FAF1: variants seen among roughly 807,000 people sequenced by gnomAD.
FAF1 encodes Fas associated factor 1.
Under a neutral mutation model 92.5 loss-of-function variants are expected in FAF1, and 25 were observed. The ratio of observed to expected loss-of-function variants is 0.27; its 90% confidence interval spans 0.20 to 0.38. The LOEUF (loss-of-function observed/expected upper bound fraction) is 0.38. FAF1 is among the 10% of genes least tolerant of loss of function. FAF1 has a pLI of 1.00. For synonymous variants in FAF1, 234 were observed against 273.2 expected (o/e 0.86, Z 1.42); for missense variants, 636 against 793.3 (o/e 0.80, Z 2.38).
chr1:50,888,579 G>A (rs1444432340), intron 1 of FAF1, among the ~76,000 whole-genome samples: 1 of 152,074 alleles, frequency 6.6e-6, no homozygotes, highest in Non-Finnish European at 1.5e-5. Context: ...AGACTTTTTA[G>A]CATGAAGGGC....
intron 14 of FAF1, among the ~76,000 whole-genome samples, chr1:50,536,926 A>G (rs1211297477): frequency 2.0e-5 from 3 of 152,200 alleles, no homozygotes; most frequent in Non-Finnish European, 2.9e-5. Flanking sequence ...TTGGTAGTTA[A>G]TATTAATAGA....
intron 15 of FAF1, among the ~76,000 whole-genome samples, chr1:50,492,219 T>G (rs1646847975): frequency 1.3e-5 from 2 of 152,224 alleles, no homozygotes; most frequent in Admixed American, 6.5e-5. Context: ...GAGATAAACT[T>G]GGAGACTGTC....
chr1:50,786,398 T>C (rs1661366099), intron 4 of FAF1, among the ~76,000 whole-genome samples: 1 of 152,158 alleles, frequency 6.6e-6, no homozygotes, highest in African/African-American at 2.4e-5. Flanking sequence ...GAGGTATTTA[T>C]AGTCAAACTT....
intron 3 of FAF1, among the ~76,000 whole-genome samples, chr1:50,793,682 C>A (rs1661643310): frequency 6.6e-6 from 1 of 152,212 alleles, no homozygotes; most frequent in African/African-American, 2.4e-5. Context: ...TGCTTTCACA[C>A]AGCAGGGTAG....
At chr1:50,786,601 T>TA (rs1661373285) in intron 4 of FAF1, among the ~76,000 whole-genome samples, 1 of 152,148 alleles carries the variant, frequency 6.6e-6, no homozygotes, top group South Asian at 2.1e-4. Context: ...TTTTTTTAAA[T>TA]AAAAAACAAT....
chr1:50,946,977 C>T (rs1018505187), intron 1 of FAF1, among the ~76,000 whole-genome samples: 9 of 152,140 alleles, frequency 5.9e-5, no homozygotes, highest in Admixed American at 4.6e-4. Context: ...CATTCAGTGC[C>T]TCTGCTGAGA....
chr1:50,821,336 T>C (rs1236079090), intron 2 of FAF1, among the ~76,000 whole-genome samples: 1 of 152,230 alleles, frequency 6.6e-6, no homozygotes, highest in East Asian at 1.9e-4. Context: ...CCAGAAATCA[T>C]ATTTTTTTAC....
intron 18 of FAF1, among the ~76,000 whole-genome samples, chr1:50,445,288 A>G (rs113840067): frequency 1.0e-3 from 158 of 152,200 alleles, no homozygotes; most frequent in African/African-American, 3.6e-3. Flanking sequence ...ATGCCTTTGC[A>G]TTGAGGTAAG....
chr1:50,512,604 C>T (rs147820102), intron 15 of FAF1, among the ~76,000 whole-genome samples: 28 of 152,174 alleles, frequency 1.8e-4, no homozygotes, highest in African/African-American at 5.5e-4. Flanking sequence ...TATCTGTTTT[C>T]GTACCAGTAT....
At chr1:50,610,201 T>C (rs184548417) in intron 8 of FAF1, among the ~76,000 whole-genome samples, 4 of 152,214 alleles carry the variant, frequency 2.6e-5, no homozygotes, top group Admixed American at 1.3e-4. Flanking sequence ...TTCAAATATA[T>C]GTATTACCTG....
At chr1:50,458,271 T>G (rs72690464) in intron 18 of FAF1, among the ~76,000 whole-genome samples, 3,828 of 152,258 alleles carry the variant, frequency 0.025, 65 homozygotes, top group Middle Eastern at 0.092. Context: ...TAAACAGTAA[T>G]AGTCACTCCA....
rs1169171745 is a variant in FAF1 at position 50,437,186 on chromosome 1, A to G, written c.*4254T>C. The G allele has an allele frequency of 1.3e-5, 2 of 152,228 alleles. No individual in the cohort carries two copies. The highest frequency in any genetic ancestry group is 4.8e-5 in the African/African-American group (2 of 41,460). 9.4% of individuals were successfully genotyped at this position (152,228 alleles called of 1,614,324 possible). On this transcript the variant is annotated 3_prime_UTR_variant, in exon 19 of 19. Transcript: ENST00000396153. ...TAAATGCAGAGATATTCAAGGCAAG[A>G]AAGTCTAGTGATTGTATTTCATCCT...
intron 15 of FAF1, among the ~76,000 whole-genome samples, chr1:50,492,272 A>G (rs1646848627): frequency 6.6e-6 from 1 of 152,214 alleles, no homozygotes; most frequent in Non-Finnish European, 1.5e-5. Context: ...AAGACTAGGA[A>G]GTAATCCCTG....
At chr1:50,700,955 T>A (rs1355424235) in intron 7 of FAF1, among the ~76,000 whole-genome samples, 1 of 152,094 alleles carries the variant, frequency 6.6e-6, no homozygotes, top group Non-Finnish European at 1.5e-5. Flanking sequence ...AACCTCAATA[T>A]TTATAAAATG....
intron 18 of FAF1, among the ~76,000 whole-genome samples, chr1:50,445,490 A>C (rs1391845485): frequency 6.6e-6 from 1 of 152,200 alleles, no homozygotes; most frequent in East Asian, 1.9e-4. Flanking sequence ...ATAGAGAAAG[A>C]AGTTGGATGA....
At chr1:50,810,568 A>T (rs900862659) in intron 2 of FAF1, among the ~76,000 whole-genome samples, 1 of 152,232 alleles carries the variant, frequency 6.6e-6, no homozygotes, top group Non-Finnish European at 1.5e-5. Flanking sequence ...TGGCACTGGA[A>T]GTCCTATCCA....
At chr1:50,793,849 TAG>T (rs1262307307) in intron 3 of FAF1, among the ~76,000 whole-genome samples, 1 of 152,222 alleles carries the variant, frequency 6.6e-6, no homozygotes, top group Non-Finnish European at 1.5e-5. Context: ...GCAGCAAGTA[TAG>T]GTTAAGTCTC....
intron 8 of FAF1, among the ~76,000 whole-genome samples, chr1:50,599,751 C>CT (rs938290782): frequency 2.0e-5 from 3 of 152,068 alleles, no homozygotes; most frequent in Admixed American, 6.5e-5. Flanking sequence ...GAATCAGCCA[C>CT]TTTTTTTCAG....
At chr1:50,685,930 A>T (rs1656637154) in intron 7 of FAF1, among the ~76,000 whole-genome samples, 2 of 152,184 alleles carry the variant, frequency 1.3e-5, no homozygotes, top group South Asian at 4.1e-4. Context: ...TAGAAATATA[A>T]ATGATACATG....
Sources: allele counts gnomAD v4.1 joint callset (sites outside exome capture counted in the v4.1 genomes callset), GRCh38; gene constraint gnomAD v4.1.1; transcripts MANE v1.5; gene names NCBI Gene and HGNC (gene_info 2026-07-23, HGNC 2026-07-21).